PABPC3: variants seen among roughly 807,000 people sequenced by gnomAD.
PABPC3 encodes the protein polyadenylate-binding protein 3.
In PABPC3, 43 loss-of-function variants were observed where a neutral mutation model predicts 43.0. That is an observed-to-expected ratio of 1.00 (90% CI 0.78 to 1.29). PABPC3 has a LOEUF of 1.29. Ranked by LOEUF, PABPC3 falls within the 50% of genes most tolerant of loss-of-function variation. The pLI, the probability that PABPC3 is intolerant of heterozygous loss-of-function variation, is 0.00. For synonymous variants in PABPC3, 221 were observed against 274.6 expected (o/e 0.80, Z 1.93); for missense variants, 784 against 798.1 (o/e 0.98, Z 0.21).
rs113617207 is a variant in PABPC3 at position 25,097,550 on chromosome 13, G to C, written c.1352G>C (p.Gly451Ala). 6.6e-3 allele frequency: 7,439 copies of C among 1,120,094 alleles called. No homozygotes were observed. The highest frequency in any genetic ancestry group is 0.05 in the African/African-American group (1,874 of 37,410). 69.4% of individuals were successfully genotyped at this position (1,120,094 alleles called of 1,614,324 possible). A position where few individuals can be genotyped will look rare whatever the true frequency, so the allele number is the denominator to read the frequency against. ...AATAAGCCCAGTGCTATCCGCCCAG[G>C]TGCTCCTAGAGTACCATTTAGTACT... ...FQNKPSAIRP[G>A]APRVPFSTMR... The change falls in exon 1 of 1, where the codon GGT (glycine) becomes GCT (alanine). Residue 451 changes from glycine (G) to alanine (A), a missense_variant. By Grantham distance (60) the Gly-to-Ala change is moderately conservative. Coordinates refer to ENST00000281589, the MANE Select transcript of PABPC3 (RefSeq NM_030979.3).
Position 25,097,946 on chromosome 13 carries a change from T to C in PABPC3, c.1748T>C (p.Ile583Thr), listed in dbSNP as rs146400584. The change falls in exon 1 of 1, where the codon ATT (isoleucine) becomes ACT (threonine). Residue 583 changes from isoleucine to threonine, a missense_variant. Transcript: ENST00000281589. Reference protein sequence around the residue: ...AGKITGMLLEIDNSELLYMLE... With the variant: ...AGKITGMLLETDNSELLYMLE... ...AAAATCACTGGCATGTTGTTGGAGA[T>C]TGATAATTCAGAACTTCTTTATATG... 1.4e-5 allele frequency: 23 copies of C among 1,614,030 alleles called. No homozygotes were observed. The East Asian group carries it at 2.0e-4, about 14-fold the overall frequency.
rs150143049 is a variant in PABPC3 at position 25,097,665 on chromosome 13, A to AGCT, written c.1482_1484dup (p.Ala496dup). ...CACAGACAGTGGGTCCACGTCCTGC[A>AGCT]GCTGCTGCTGCTGCTGCAGCTACCC... On this transcript the variant is annotated inframe_insertion, in exon 1 of 1. Coordinates refer to ENST00000281589, the MANE Select transcript of PABPC3 (RefSeq NM_030979.3). The AGCT allele has an allele frequency of 1.5e-5, 24 of 1,593,954 alleles. No homozygotes were observed. The highest frequency in any genetic ancestry group is 1.1e-4 in the East Asian group (5 of 44,210).
Position 25,098,052 on chromosome 13 carries a change from C to T in PABPC3, c.1854C>T (p.Thr618=). 6.2e-7 allele frequency: 1 copy of T among 1,613,784 alleles called. No homozygotes were observed. Among genetic ancestry groups the T allele is most frequent in the Non-Finnish European group, 8.5e-7 (1 of 1,179,844 alleles). ...AAGCCCACCAAGCTAAAGAGGCTAC[C>T]CAGAAAGCAGTTAACAGTGCTACCG... ...VLQAHQAKEA[T]QKAVNSATGV... The change falls in exon 1 of 1, where the codon ACC becomes ACT. Residue 618 remains threonine (T), a synonymous_variant. Coordinates refer to ENST00000281589, the MANE Select transcript of PABPC3 (RefSeq NM_030979.3).
Position 25,098,384 on chromosome 13 carries a change from C to T in PABPC3, c.*290C>T. The T allele has an allele frequency of 3.4e-6, 1 of 295,954 alleles. No individual in the cohort carries two copies. The highest frequency in any genetic ancestry group is 6.1e-5 in the South Asian group (1 of 16,400). 18.3% of individuals were successfully genotyped at this position (295,954 alleles called of 1,614,324 possible). A position where few individuals can be genotyped will look rare whatever the true frequency, so the allele number is the denominator to read the frequency against. The stretch of plus-strand genomic sequence containing the variant: ...AAAAACCAGTTAATGTTTTGTAGAC[C>T]CTGGGAAAAGAATTTTCAGCAAAGT... On this transcript the variant is annotated 3_prime_UTR_variant, in exon 1 of 1. Transcript: ENST00000281589.
Position 25,096,189 on chromosome 13 carries a change from C to G in PABPC3, c.-10C>G, listed in dbSNP as rs1565995763. The G allele has an allele frequency of 6.2e-6, 10 of 1,605,592 alleles. No homozygotes were observed. Among genetic ancestry groups the G allele is most frequent in the South Asian group, 1.1e-5 (1 of 90,064 alleles). On this transcript the variant is annotated 5_prime_UTR_variant, in exon 1 of 1. Transcript: ENST00000281589. ...CGCGGCTTGTGTGCCTGCGGGCAGCCGTGCCGAGAATGAACCCCAGCACCC... is the reference window on the plus strand; with the variant it reads ...CGCGGCTTGTGTGCCTGCGGGCAGCGGTGCCGAGAATGAACCCCAGCACCC...
Position 25,097,349 on chromosome 13 carries a change from A to G in PABPC3, c.1151A>G (p.Gln384Arg). 1 of 1,614,266 alleles carries G rather than the reference A, an allele frequency of 6.2e-7. No individual in the cohort carries two copies. Among genetic ancestry groups the G allele is most frequent in the Non-Finnish European group, 8.5e-7 (1 of 1,180,040 alleles). The change falls in exon 1 of 1, where the codon CAG becomes CGG. Residue 384 changes from glutamine to arginine, a missense_variant. By Grantham distance (43) the Gln-to-Arg change is conservative. Coordinates refer to ENST00000281589, the MANE Select transcript of PABPC3 (RefSeq NM_030979.3). ...GCTTACCTCACTAACGAGTATATGC[A>G]GAGAATGGCAAGTGTACGAGCTGTG... ...RQAYLTNEYMQRMASVRAVPN... is the reference protein window; with the variant it reads ...RQAYLTNEYMRRMASVRAVPN...
In PABPC3 at chr13:25,098,681, CATA is replaced by C. The variant is rs1452649395; in HGVS notation, c.*591_*593del. On this transcript the variant is annotated 3_prime_UTR_variant, in exon 1 of 1. Coordinates refer to ENST00000281589, the MANE Select transcript of PABPC3 (RefSeq NM_030979.3). ...TTTTCACCAAAATTTTAGGTCTTTA[CATA>C]ATAGTGTTTATTTTTAATATTCATA... 6.0e-6 allele frequency: 1 copy of C among 166,542 alleles called. No individual in the cohort carries two copies. The highest frequency in any genetic ancestry group is 1.9e-4 in the East Asian group (1 of 5,192). 10.3% of individuals were successfully genotyped at this position (166,542 alleles called of 1,614,324 possible).
Position 25,098,155 on chromosome 13 carries a change from G to A in PABPC3, c.*61G>A. On this transcript the variant is annotated 3_prime_UTR_variant, in exon 1 of 1. Transcript: ENST00000281589. ...CACCGAAGAAAAATATCTAAACATC[G>A]AGAAACTATGGGAAAAAAAATTGCA... is the stretch of plus-strand genomic sequence containing the variant. 2.8e-6 allele frequency: 4 copies of A among 1,423,230 alleles called. No homozygotes were observed. The highest frequency in any genetic ancestry group is 2.3e-5 in the East Asian group (1 of 43,660). 88.2% of individuals were successfully genotyped at this position (1,423,230 alleles called of 1,614,324 possible). A position where few individuals can be genotyped will look rare whatever the true frequency, so the allele number is the denominator to read the frequency against.
chr13:25,097,850 AAAAGC>A, the PABPC3 span: 1 of 1,613,918 alleles, frequency 6.2e-7, no homozygotes, highest in Non-Finnish European at 8.5e-7. Flanking sequence ...GCCCCTCCTC[AAAAGC>A]AAAAGCAAAT....
rs1472449589 is a variant in PABPC3, at chr13:25,098,719, A to G, written c.*625A>G. The G allele has an allele frequency of 2.4e-5, 4 of 166,802 alleles. No individual in the cohort carries two copies. Among genetic ancestry groups the G allele is most frequent in the African/African-American group, 9.6e-5 (4 of 41,452 alleles). 10.3% of individuals were successfully genotyped at this position (166,802 alleles called of 1,614,324 possible). A position where few individuals can be genotyped will look rare whatever the true frequency, so the allele number is the denominator to read the frequency against. Reference sequence around the variant, plus strand: ...ATTTTTAATATTCATAAATGAAAATATGCAATGACAAAATAGTAATTATAA... The same window carrying G: ...ATTTTTAATATTCATAAATGAAAATGTGCAATGACAAAATAGTAATTATAA... On this transcript the variant is annotated 3_prime_UTR_variant, in exon 1 of 1. Coordinates refer to ENST00000281589, the MANE Select transcript of PABPC3 (RefSeq NM_030979.3).
rs1956043320 is a variant in PABPC3, at chr13:25,096,986, T to C, written c.788T>C (p.Val263Ala). The C allele has an allele frequency of 1.9e-6, 3 of 1,614,278 alleles. No homozygotes were observed. The highest frequency in any genetic ancestry group is 2.5e-6 in the Non-Finnish European group (3 of 1,180,038). Residue 263 changes from valine to alanine, a missense_variant, in exon 1 of 1, where the codon GTT becomes GCT. By Grantham distance (64) the Val-to-Ala change is moderately conservative. Coordinates refer to ENST00000281589, the MANE Select transcript of PABPC3 (RefSeq NM_030979.3). Reference sequence around the variant, plus strand: ...GAGCTCAATGGAAAACAAATTTACGTTGGTCGAGCTCAGAAAAAAGTGGAA... The same window carrying C: ...GAGCTCAATGGAAAACAAATTTACGCTGGTCGAGCTCAGAAAAAAGTGGAA... ...GKELNGKQIY[V>A]GRAQKKVERQ...
Position 25,097,176 on chromosome 13 carries a change from G to A in PABPC3, c.978G>A (p.Met326Ile). 3.5e-6 allele frequency: 2 copies of A among 567,492 alleles called. No homozygotes were observed. Among genetic ancestry groups the A allele is most frequent in the South Asian group, 6.0e-5 (1 of 16,764 alleles). 35.2% of individuals were successfully genotyped at this position (567,492 alleles called of 1,614,324 possible). ...GTACAATCACTAGTGCAAAGGTTATGATGGAAGGTGGTCGCAGCAAAGGGT... is the reference window on the plus strand; with the variant it reads ...GTACAATCACTAGTGCAAAGGTTATAATGGAAGGTGGTCGCAGCAAAGGGT... ...PFGTITSAKV[M>I]MEGGRSKGFG... Residue 326 changes from methionine to isoleucine, a missense_variant, in exon 1 of 1, where the codon ATG (methionine) becomes ATA (isoleucine). Met to Ile is a conservative substitution (Grantham distance 10). Transcript: ENST00000281589.
chr13:25,098,698 T>C lies in PABPC3; in HGVS notation c.*604T>C, dbSNP rs533524152. ...GGTCTTTACATAATAGTGTTTATTT[T>C]TAATATTCATAAATGAAAATATGCA... On this transcript the variant is annotated 3_prime_UTR_variant, in exon 1 of 1. Transcript: ENST00000281589. The C allele has an allele frequency of 6.0e-6, 1 of 166,980 alleles. No homozygotes were observed. The highest frequency in any genetic ancestry group is 6.5e-5 in the Admixed American group (1 of 15,292). The allele number at this position is 166,980 out of a possible 1,614,324, so 10.3% of individuals were successfully genotyped here.
rs1956055636 is a variant in PABPC3, at chr13:25,097,953, T to C, written c.1755T>C (p.Asn585=). 2 of 1,614,034 alleles carry C rather than the reference T, an allele frequency of 1.2e-6. No individual in the cohort carries two copies. Among genetic ancestry groups the C allele is most frequent in the African/African-American group, 1.3e-5 (1 of 75,068 alleles). ...CTGGCATGTTGTTGGAGATTGATAA[T>C]TCAGAACTTCTTTATATGCTCGAGT... ...KITGMLLEID[N]SELLYMLESP... The change falls in exon 1 of 1, where the codon AAT becomes AAC. Residue 585 remains asparagine, a synonymous_variant. Coordinates refer to ENST00000281589, the MANE Select transcript of PABPC3 (RefSeq NM_030979.3).
chr13:25,097,793 T>C lies in PABPC3; in HGVS notation c.1595T>C (p.Val532Ala). 6.2e-7 allele frequency: 1 copy of C among 1,614,092 alleles called. No individual in the cohort carries two copies. Among genetic ancestry groups the C allele is most frequent in the Admixed American group, 1.7e-5 (1 of 60,010 alleles). ...CAAGTTACAATGCAACAGCTTGCTG[T>C]TCATGTACAAGGTCAGGAAACTTTG... ...QPQVTMQQLA[V>A]HVQGQETLTA... The change falls in exon 1 of 1, where the codon GTT becomes GCT. Residue 532 changes from valine (V) to alanine (A), a missense_variant. Physicochemically the swap from Val to Ala is moderately conservative, Grantham distance 64. Coordinates refer to ENST00000281589, the MANE Select transcript of PABPC3 (RefSeq NM_030979.3).
rs190621317 is a variant in PABPC3, at chr13:25,097,616, C to T, written c.1418C>T (p.Thr473Met). 40 of 1,614,240 alleles carry T rather than the reference C, an allele frequency of 2.5e-5. No individual in the cohort carries two copies. The highest frequency in any genetic ancestry group is 6.7e-5 in the Admixed American group (4 of 60,028). Reference protein sequence around the residue: ...ASSQVPRVMSTQRVANTSTQT... With the variant: ...ASSQVPRVMSMQRVANTSTQT... ...TCACAGGTTCCACGAGTCATGTCAA[C>T]GCAGCGTGTTGCTAACACATCAACA... is the stretch of plus-strand genomic sequence containing the variant. Residue 473 changes from threonine (T) to methionine (M), a missense_variant, in exon 1 of 1, where the codon ACG becomes ATG. Physicochemically the swap from Thr to Met is moderately conservative, Grantham distance 81. Coordinates refer to ENST00000281589, the MANE Select transcript of PABPC3 (RefSeq NM_030979.3).
At position 25,096,136 on chromosome 13, in the gene PABPC3, A is replaced by G. The variant is rs1220304777; in HGVS notation, c.-63A>G. ...CTCCGGCTACGCCCCCGGCCCCGGC[A>G]CGCGCTCTACTCCTGTAACGGAAAG... On this transcript the variant is annotated 5_prime_UTR_variant, in exon 1 of 1. Transcript: ENST00000281589. The G allele has an allele frequency of 1.3e-6, 2 of 1,509,520 alleles. No homozygotes were observed. Among genetic ancestry groups the G allele is most frequent in the African/African-American group, 2.9e-5 (2 of 69,882 alleles). The allele number at this position is 1,509,520 out of a possible 1,614,324, so 93.5% of individuals were successfully genotyped here. A position where few individuals can be genotyped will look rare whatever the true frequency, so the allele number is the denominator to read the frequency against.
Position 25,097,379 on chromosome 13 carries a change from A to G in PABPC3, c.1181A>G (p.Asn394Ser), listed in dbSNP as rs1956048341. 6.2e-7 allele frequency: 1 copy of G among 1,614,194 alleles called. No homozygotes were observed. The highest frequency in any genetic ancestry group is 8.5e-7 in the Non-Finnish European group (1 of 1,180,038). Residue 394 changes from asparagine to serine, a missense_variant, in exon 1 of 1, where the codon AAC becomes AGC. Transcript: ENST00000281589. ...ATGGCAAGTGTACGAGCTGTGCCCA[A>G]CCAGCGAGCACCTCCTTCAGGTTAC... is the stretch of plus-strand genomic sequence containing the variant. Reference protein sequence around the residue: ...QRMASVRAVPNQRAPPSGYFM... With the variant: ...QRMASVRAVPSQRAPPSGYFM...
rs372858375 is a variant in PABPC3 at position 25,096,156 on chromosome 13, G to A, written c.-43G>A. The A allele has an allele frequency of 6.3e-6, 10 of 1,578,774 alleles. No homozygotes were observed. Among genetic ancestry groups the A allele is most frequent in the Admixed American group, 1.8e-5 (1 of 57,070 alleles). ...CCGGCACGCGCTCTACTCCTGTAAC[G>A]GAAAGGTCGCGGCTTGTGTGCCTGC... On this transcript the variant is annotated 5_prime_UTR_variant, in exon 1 of 1. Coordinates refer to ENST00000281589, the MANE Select transcript of PABPC3 (RefSeq NM_030979.3).
Sources: allele counts gnomAD v4.1 joint callset, GRCh38; gene constraint gnomAD v4.1.1; transcripts MANE v1.5; gene names NCBI Gene and HGNC (gene_info 2026-07-23, HGNC 2026-07-21).